The following SNTG2 variants were observed in gnomAD, a reference collection of about 807,000 sequenced individuals.
The protein encoded by SNTG2 is syntrophin gamma 2.
In SNTG2, 74 loss-of-function variants were observed where a neutral mutation model predicts 70.9. The ratio of observed to expected loss-of-function variants is 1.04; its 90% CI spans 0.86 to 1.27. SNTG2 has a LOEUF of 1.27. SNTG2 is among the 50% of genes most tolerant of loss of function. The pLI is 0.00. For synonymous variants in SNTG2, 278 were observed against 273.8 expected, an observed-to-expected ratio of 1.02 and a Z score of -0.15; for missense variants, 717 against 690.7, an observed-to-expected ratio of 1.04 and a Z score of -0.43.
intron 14 of SNTG2, among the ~76,000 whole-genome samples, chr2:1,287,399 CCTTCT>C (rs1187617686): frequency 2.0e-5 from 3 of 152,180 alleles, no homozygotes; most frequent in Non-Finnish European, 4.4e-5. Flanking sequence ...GGCAGCCTTT[CCTTCT>C]CACCTCACCT....
chr2:1,185,146 A>G (rs1237560277), intron 8 of SNTG2, among the ~76,000 whole-genome samples: 3 of 152,160 alleles, frequency 2.0e-5, no homozygotes. Context: ...GCTCCAAAAT[A>G]ATCTCTTTTG....
At chr2:1,308,346 C>A (rs970228262) in intron 14 of SNTG2, 148 bp from the exon 15 acceptor site, 9 of 685,828 alleles carry the variant, frequency 1.3e-5, no homozygotes, top group Non-Finnish European at 1.7e-5. Flanking sequence ...CTCCCGGGAC[C>A]CTGCATCCTC....
chr2:1,363,606 C>G (rs992137773), intron 16 of SNTG2, among the ~76,000 whole-genome samples: 1 of 152,144 alleles, frequency 6.6e-6, no homozygotes, highest in East Asian at 1.9e-4. Context: ...AGGAGTGCAG[C>G]GAGGGATCCA....
chr2:1,083,738 G>GA (rs1201170073), intron 2 of SNTG2, 83 bp downstream of exon 2: 1 of 1,494,286 alleles, frequency 6.7e-7, no homozygotes, highest in Non-Finnish European at 9.2e-7. Context: ...GTTCAAGAAT[G>GA]ATTGCTGAGC....
intron 1 of SNTG2, among the ~76,000 whole-genome samples, chr2:1,016,159 C>T (rs1659884773): frequency 6.6e-6 from 1 of 151,746 alleles, no homozygotes; most frequent in Non-Finnish European, 1.5e-5. Context: ...AGTATGACCC[C>T]CTTCCTGTAA....
At chr2:1,227,410 G>C (rs1278832517) in intron 9 of SNTG2, among the ~76,000 whole-genome samples, 1 of 152,260 alleles carries the variant, frequency 6.6e-6, no homozygotes, top group Non-Finnish European at 1.5e-5. Flanking sequence ...CCCCTGGCTG[G>C]TGTCCAGCGT....
chr2:1,232,395 G>T (rs1171523515), intron 9 of SNTG2, among the ~76,000 whole-genome samples: 2 of 152,056 alleles, frequency 1.3e-5, no homozygotes, highest in Non-Finnish European at 2.9e-5. Context: ...CGCCTCCCAG[G>T]TTCAAGGGAT....
In SNTG2 at chr2:1,339,730, A is replaced by C. The variant is rs576840922; in HGVS notation, c.1488+23355A>C. On this transcript the variant is annotated intron_variant, in intron 16 of 16. Coordinates refer to ENST00000308624, the MANE Select transcript of SNTG2 (RefSeq NM_018968.4). ...AATGTAAACCCTTCTGCCACACCAC[A>C]GTAGAGGAAGCCATAACTGCCTAAC... Among the ~76,000 whole-genome samples, 4 of 152,350 alleles carry C rather than the reference A, an allele frequency of 2.6e-5. No individual in the cohort carries two copies. In the South Asian group the frequency reaches 8.3e-4, roughly 32 times the overall value.
At chr2:1,287,034 C>T (rs970842777) in intron 14 of SNTG2, among the ~76,000 whole-genome samples, 2 of 152,122 alleles carry the variant, frequency 1.3e-5, no homozygotes, top group African/African-American at 4.8e-5. Flanking sequence ...GGACACACAG[C>T]TCAGAGACAA....
intron 1 of SNTG2, among the ~76,000 whole-genome samples, chr2:1,079,784 T>C (rs1417216127): frequency 6.6e-6 from 1 of 152,214 alleles, no homozygotes; most frequent in African/African-American, 2.4e-5. Context: ...GTCAGCGTGA[T>C]GAATTAGTTG....
intron 8 of SNTG2, among the ~76,000 whole-genome samples, chr2:1,191,015 C>A (rs543118418): frequency 6.6e-5 from 10 of 152,116 alleles, no homozygotes; most frequent in Non-Finnish European, 1.3e-4. Context: ...AGACATGCAG[C>A]AAAATTCACT....
chr2:1,189,874 A>G (rs1055319004), intron 8 of SNTG2, among the ~76,000 whole-genome samples: 5 of 152,152 alleles, frequency 3.3e-5, no homozygotes, highest in Non-Finnish European at 7.3e-5. Flanking sequence ...GGAATACTTC[A>G]TATAACAGAG....
chr2:1,004,933 C>A (rs1021907904), intron 1 of SNTG2, among the ~76,000 whole-genome samples: 6 of 152,026 alleles, frequency 3.9e-5, no homozygotes, highest in Admixed American at 1.3e-4. Flanking sequence ...TGGAAGCAAC[C>A]AAGATGTCCT....
intron 8 of SNTG2, among the ~76,000 whole-genome samples, chr2:1,183,508 A>G (rs1392025515): frequency 1.3e-5 from 2 of 152,216 alleles, no homozygotes; most frequent in Non-Finnish European, 2.9e-5. Context: ...TTCTTGCATC[A>G]TTTCATGTCA....
At chr2:1,267,322 C>A (rs2148183560) in intron 13 of SNTG2, 43 bp from the exon 14 acceptor site, 7 of 1,534,844 alleles carry the variant, frequency 4.6e-6, no homozygotes, top group Non-Finnish European at 6.2e-6. Flanking sequence ...ATGGGAATGA[C>A]CTTCCAGCGC....
chr2:982,819 G>A (rs1429084265), intron 1 of SNTG2, among the ~76,000 whole-genome samples: 8 of 152,082 alleles, frequency 5.3e-5, no homozygotes, highest in Non-Finnish European at 8.8e-5. Flanking sequence ...ACTGAGCCTC[G>A]CCTAGAATGG....
chr2:996,672 A>ATTTTT, intron 1 of SNTG2, among the ~76,000 whole-genome samples: 1 of 31,048 alleles, frequency 3.2e-5, no homozygotes, highest in African/African-American at 1.4e-4. Flanking sequence ...TGAGTTACCC[A>ATTTTT]GTTTTTTTTT....
In SNTG2 at chr2:977,602, G is replaced by A. The variant is rs1332668733; in HGVS notation, c.72+26534G>A. Among the ~76,000 whole-genome samples, 6 of 152,120 alleles carry A rather than the reference G, an allele frequency of 3.9e-5. No homozygotes were observed. The Middle Eastern group carries it at 0.01, about 259-fold the overall frequency. On this transcript the variant is annotated intron_variant, in intron 1 of 16. Coordinates refer to ENST00000308624, the MANE Select transcript of SNTG2 (RefSeq NM_018968.4). ...CTTGGGAACCTTTGCCATCTCTGTC[G>A]CTCAATGGTCCATCTTGCCTGTGAG...
At chr2:1,281,227 T>G (rs1558175680) in intron 14 of SNTG2, among the ~76,000 whole-genome samples, 6 of 69,558 alleles carry the variant, frequency 8.6e-5, no homozygotes, top group African/African-American at 1.4e-4. Context: ...GTGTTTGTGT[T>G]TATGTGGTGT....
Sources: gnomAD v4.1 joint callset for allele counts (sites outside exome capture counted in the v4.1 genomes callset) on GRCh38, gnomAD v4.1.1 for gene constraint, MANE v1.5 for transcripts, NCBI Gene and HGNC (gene_info 2026-07-23, HGNC 2026-07-21) for gene names.